ARHGAP18: variants seen among roughly 807,000 people sequenced by gnomAD.
The protein encoded by ARHGAP18 is Rho GTPase activating protein 18.
Under a neutral mutation model 86.2 loss-of-function variants are expected in ARHGAP18, and 67 were observed. The observed-to-expected ratio is 0.78, with a 90% CI of 0.64 to 0.95. The LOEUF (loss-of-function observed/expected upper bound fraction) is 0.95. Ranked by LOEUF, ARHGAP18 falls within the 40% of genes least tolerant of loss-of-function variation. The pLI is 0.00. For synonymous variants in ARHGAP18, 283 were observed against 280.4 expected, an observed-to-expected ratio of 1.01 and a Z score of -0.09; for missense variants, 691 against 780.4, an observed-to-expected ratio of 0.89 and a Z score of 1.37.
At chr6:129,586,860 C>T (rs1022478058) in intron 12 of ARHGAP18, among the ~76,000 whole-genome samples, 2 of 152,036 alleles carry the variant, frequency 1.3e-5, no homozygotes, top group African/African-American at 2.4e-5. Context: ...CGTTCTACTC[C>T]CCCTCCCAAA....
At chr6:129,646,590 C>T (rs542933736) in intron 1 of ARHGAP18, among the ~76,000 whole-genome samples, 4 of 152,100 alleles carry the variant, frequency 2.6e-5, no homozygotes, top group Non-Finnish European at 4.4e-5. Flanking sequence ...GAATAAACAT[C>T]TTCACATAGA....
chr6:129,618,594 T>A (rs1169670696), intron 6 of ARHGAP18, 93 bp downstream of exon 6: 1 of 1,196,488 alleles, frequency 8.4e-7, no homozygotes, highest in Admixed American at 2.8e-5. Context: ...ATTTTGCAGG[T>A]GTTTTCCCTG....
intron 7 of ARHGAP18, among the ~76,000 whole-genome samples, chr6:129,614,465 T>C (rs13205216): frequency 0.14 from 21,254 of 151,940 alleles, 1,590 homozygotes; most frequent in Middle Eastern, 0.19. Context: ...ATCCTTCAAA[T>C]AGATAAGACA....
rs373864720 is a variant in ARHGAP18 at position 129,599,415 on chromosome 6, CA to C, written c.1573-60del. 363 of 1,299,228 alleles carry C rather than the reference CA, an allele frequency of 2.8e-4. 2 individuals carry two copies. Among genetic ancestry groups the C allele is most frequent in the African/African-American group, 1.1e-3 (71 of 64,566 alleles). 80.5% of individuals were successfully genotyped at this position (1,299,228 alleles called of 1,614,324 possible). On this transcript the variant is annotated intron_variant, in intron 11 of 14. Transcript: ENST00000368149. ...AAAGAAATGCCACCATTTTAAACTA[CA>C]AAAAAAAATTATATTTTTTTAAATT... is the stretch of plus-strand genomic sequence containing the variant.
intron 1 of ARHGAP18, among the ~76,000 whole-genome samples, chr6:129,665,570 T>C (rs73592475): frequency 6.6e-6 from 1 of 151,908 alleles, no homozygotes; most frequent in African/African-American, 2.4e-5. Context: ...AATAAATAAA[T>C]AAAAAATAAT....
intron 1 of ARHGAP18, among the ~76,000 whole-genome samples, chr6:129,644,267 G>C (rs1230794561): frequency 6.6e-6 from 1 of 151,886 alleles, no homozygotes; most frequent in African/African-American, 2.4e-5. Flanking sequence ...ATTCCACCTG[G>C]GTCCCCATAT....
chr6:129,654,036 C>G lies in ARHGAP18; in HGVS notation c.114-12018G>C, dbSNP rs1048179670. ...TCAGCCTGGGTGACAGAGCGAGACC[C>G]TGTCTGGAAAAACATACACACACAC... On this transcript the variant is annotated intron_variant, in intron 1 of 14. Coordinates refer to ENST00000368149, the MANE Select transcript of ARHGAP18 (RefSeq NM_033515.3). 3.3e-5 allele frequency among the ~76,000 whole-genome samples: 5 copies of G among 152,260 alleles called. No homozygotes were observed. The South Asian group carries it at 8.3e-4, about 25-fold the overall frequency.
At chr6:129,706,693 C>T (rs530396980) in intron 1 of ARHGAP18, among the ~76,000 whole-genome samples, 22 of 151,684 alleles carry the variant, frequency 1.5e-4, no homozygotes, top group Non-Finnish European at 2.5e-4. Context: ...TCGAGACCAG[C>T]CTGGTCAACA....
chr6:129,683,390 GAGGTGGAAGGAACCAGCAC>G (rs1350105914), intron 1 of ARHGAP18, among the ~76,000 whole-genome samples: 1 of 152,126 alleles, frequency 6.6e-6, no homozygotes, highest in African/African-American at 2.4e-5. Flanking sequence ...CTTTTAATTT[GAGGTGGAAGGAACCAGCAC>G]AGGGTTGTTG....
rs1175044985 is a variant in ARHGAP18 at position 129,611,747 on chromosome 6, T to C, written c.1045-137A>G. The C allele has an allele frequency of 6.0e-6, 4 of 672,110 alleles. No individual in the cohort carries two copies. In the African/African-American group the frequency reaches 7.3e-5, roughly 12 times the overall value. 41.6% of individuals were successfully genotyped at this position (672,110 alleles called of 1,614,324 possible). A position where few individuals can be genotyped will look rare whatever the true frequency, so the allele number is the denominator to read the frequency against. Reference sequence around the variant, plus strand: ...GATTTTATGAGGTTTTGAATGCTATTTTACTACCACTGTCCTTCAAAACAA... The same window carrying C: ...GATTTTATGAGGTTTTGAATGCTATCTTACTACCACTGTCCTTCAAAACAA... On this transcript the variant is annotated intron_variant, in intron 7 of 14. Coordinates refer to ENST00000368149, the MANE Select transcript of ARHGAP18 (RefSeq NM_033515.3).
chr6:129,582,078 G>A (rs1317237621), intron 13 of ARHGAP18, among the ~76,000 whole-genome samples: 1 of 152,040 alleles, frequency 6.6e-6, no homozygotes, highest in Non-Finnish European at 1.5e-5. Flanking sequence ...GCTGAGGACT[G>A]GGGGCGGAAG....
chr6:129,666,463 G>C (rs1774039943), intron 1 of ARHGAP18, among the ~76,000 whole-genome samples: 1 of 152,170 alleles, frequency 6.6e-6, no homozygotes, highest in Non-Finnish European at 1.5e-5. Context: ...TGTTTCTGTG[G>C]GTTCTTATTC....
chr6:129,662,033 C>T (rs1773964309), intron 1 of ARHGAP18: 1 of 474,702 alleles, frequency 2.1e-6, no homozygotes, highest in African/African-American at 2.1e-5. Context: ...TCCCAAGATC[C>T]ACGCAAGCTG....
intron 10 of ARHGAP18, among the ~76,000 whole-genome samples, chr6:129,602,067 G>A (rs564898959): frequency 6.6e-6 from 1 of 152,092 alleles, no homozygotes; most frequent in Non-Finnish European, 1.5e-5. Context: ...AAAGGCAAAT[G>A]CAGCTGAGGT....
intron 1 of ARHGAP18, among the ~76,000 whole-genome samples, chr6:129,691,217 A>T (rs1260024023): frequency 6.6e-6 from 1 of 152,202 alleles, no homozygotes; most frequent in African/African-American, 2.4e-5. Context: ...ATAAACACAC[A>T]CTTTCCCTAA....
intron 1 of ARHGAP18, 68 bp downstream of exon 1, chr6:129,709,956 T>A: frequency 7.5e-7 from 1 of 1,325,456 alleles, no homozygotes; most frequent in Admixed American, 1.8e-5. Context: ...CCACGCCAAC[T>A]TCCCTGTCAC....
intron 5 of ARHGAP18, among the ~76,000 whole-genome samples, chr6:129,628,011 G>T (rs927044191): frequency 1.3e-5 from 2 of 152,108 alleles, no homozygotes; most frequent in African/African-American, 2.4e-5. Flanking sequence ...AATAGGTCAG[G>T]ATTGGCCATG....
chr6:129,628,273 A>T (rs1371243470), intron 5 of ARHGAP18, among the ~76,000 whole-genome samples: 1 of 152,180 alleles, frequency 6.6e-6, no homozygotes, highest in Non-Finnish European at 1.5e-5. Context: ...AGAGCCTGGA[A>T]CATCTTGTGC....
chr6:129,655,547 A>G (rs1298406662), intron 1 of ARHGAP18, among the ~76,000 whole-genome samples: 1 of 152,068 alleles, frequency 6.6e-6, no homozygotes, highest in South Asian at 2.1e-4. Flanking sequence ...AGAAAGATCA[A>G]GGTTGTCAGA....
Sources: allele counts gnomAD v4.1 joint callset (sites outside exome capture counted in the v4.1 genomes callset), GRCh38; gene constraint gnomAD v4.1.1; transcripts MANE v1.5; gene names NCBI Gene and HGNC (gene_info 2026-07-23, HGNC 2026-07-21).